Variants in FMN2 observed in about 807,000 individuals in gnomAD.
FMN2 encodes the protein formin 2.
In FMN2, 51 loss-of-function variants were observed where a neutral mutation model predicts 142.3. That is an observed-to-expected ratio of 0.36 (90% CI 0.29 to 0.45). The LOEUF is 0.45. Ranked by LOEUF, FMN2 falls within the 20% of genes least tolerant of loss-of-function variation. The pLI is 1.00. For missense variants in FMN2, 1,936 were observed against 2,122.8 expected, an observed-to-expected ratio of 0.91 and a Z score of 1.73; for synonymous variants, 882 against 869.8, an observed-to-expected ratio of 1.01 and a Z score of -0.25.
intron 4 of FMN2, among the ~76,000 whole-genome samples, chr1:240,191,380 G>C (rs117001983): frequency 1.3e-5 from 2 of 152,314 alleles, no homozygotes; most frequent in African/African-American, 4.8e-5. Flanking sequence ...AATACAGCTG[G>C]CACTCAAGTG....
chr1:240,254,584 G>T (rs1476903280), intron 6 of FMN2, among the ~76,000 whole-genome samples: 2 of 152,252 alleles, frequency 1.3e-5, no homozygotes, highest in African/African-American at 4.8e-5. Flanking sequence ...CTGGATGGGG[G>T]TGGCAGCGAC....
intron 7 of FMN2, among the ~76,000 whole-genome samples, chr1:240,275,650 C>T (rs984197672): frequency 2.0e-5 from 3 of 152,058 alleles, no homozygotes. Context: ...GGTTCTGGGT[C>T]CTTGAGAAAT....
In FMN2 at chr1:240,093,094, G is replaced by T; in HGVS notation, c.985G>T (p.Gly329Trp). 7.2e-7 allele frequency: 1 copy of T among 1,395,690 alleles called. No homozygotes were observed. The highest frequency in any genetic ancestry group is 9.2e-7 in the Non-Finnish European group (1 of 1,084,346). The allele number at this position is 1,395,690 out of a possible 1,614,324, so 86.5% of individuals were successfully genotyped here. A position where few individuals can be genotyped will look rare whatever the true frequency, so the allele number is the denominator to read the frequency against. ...CACGGCTTTCCCATTTCCCGAGGCC[G>T]GGCCGGGGGAGGAAGCGGCCGGAGC... Reference protein sequence around the residue: ...SSTAFPFPEAGPGEEAAGAPV... With the variant: ...SSTAFPFPEAWPGEEAAGAPV... Residue 329 changes from glycine to tryptophan, a missense_variant, in exon 1 of 18, where the codon GGG becomes TGG. Transcript: ENST00000319653.
chr1:240,147,619 A>G (rs1159733227), intron 2 of FMN2, among the ~76,000 whole-genome samples: 1 of 152,170 alleles, frequency 6.6e-6, no homozygotes, highest in African/African-American at 2.4e-5. Context: ...GGGCCCCCCA[A>G]AGTGCTAGGA....
At chr1:240,353,637 T>C (rs1331574663) in intron 13 of FMN2, among the ~76,000 whole-genome samples, 4 of 152,194 alleles carry the variant, frequency 2.6e-5, no homozygotes. Context: ...CTCCTCAACT[T>C]GTGAACTATA....
intron 14 of FMN2, among the ~76,000 whole-genome samples, chr1:240,365,251 ATACATACG>A (rs1672628648): frequency 9.5e-5 from 6 of 63,298 alleles, no homozygotes; most frequent in African/African-American, 7.6e-4. Flanking sequence ...ATATACATAC[ATACATACG>A]TGTGCATATA....
chr1:240,184,520 T>G (rs1007744382), intron 3 of FMN2, among the ~76,000 whole-genome samples: 1 of 147,918 alleles, frequency 6.8e-6, no homozygotes, highest in Admixed American at 6.7e-5. Context: ...CCGGCCTGTT[T>G]TTTTTTTTTT....
chr1:240,284,289 A>G (rs950330413), intron 7 of FMN2, among the ~76,000 whole-genome samples: 2 of 152,118 alleles, frequency 1.3e-5, no homozygotes, highest in Non-Finnish European at 2.9e-5. Flanking sequence ...TCATCACTAT[A>G]TTCTAACTAG....
intron 2 of FMN2, among the ~76,000 whole-genome samples, chr1:240,128,926 T>C (rs1434577701): frequency 1.3e-5 from 2 of 152,076 alleles, no homozygotes; most frequent in African/African-American, 2.4e-5. Flanking sequence ...CAGGATGGAG[T>C]GCAGTGGCGC....
At chr1:240,259,560 A>G (rs910828827) in intron 7 of FMN2, among the ~76,000 whole-genome samples, 1 of 149,602 alleles carries the variant, frequency 6.7e-6, no homozygotes, top group Admixed American at 6.7e-5. Flanking sequence ...TCCTGCAGGT[A>G]AAGTCCTATT....
intron 3 of FMN2, among the ~76,000 whole-genome samples, chr1:240,182,006 C>G (rs554678909): frequency 6.6e-6 from 1 of 152,294 alleles, no homozygotes; most frequent in East Asian, 1.9e-4. Context: ...AATTTCAAGA[C>G]TTTCTGGCAC....
At chr1:240,201,224 A>G (rs1666110313) in intron 4 of FMN2, among the ~76,000 whole-genome samples, 1 of 152,230 alleles carries the variant, frequency 6.6e-6, no homozygotes, top group South Asian at 2.1e-4. Flanking sequence ...TCCTTTTAAC[A>G]CAGACCATCT....
chr1:240,181,418 C>G (rs190709855), intron 3 of FMN2, among the ~76,000 whole-genome samples: 132 of 152,296 alleles, frequency 8.7e-4, no homozygotes, highest in Non-Finnish European at 1.5e-3. Flanking sequence ...TAGGGAGCAT[C>G]TCACTTTAAC....
chr1:240,337,837 C>T (rs1479064147), intron 13 of FMN2, among the ~76,000 whole-genome samples: 1 of 152,134 alleles, frequency 6.6e-6, no homozygotes, highest in African/African-American at 2.4e-5. Context: ...ATAATAACAT[C>T]CACTGTGTTT....
intron 1 of FMN2, among the ~76,000 whole-genome samples, chr1:240,100,532 G>A (rs994213807): frequency 6.6e-6 from 1 of 152,164 alleles, no homozygotes; most frequent in Non-Finnish European, 1.5e-5. Context: ...AAGCAAGGTA[G>A]TCATAACATC....
At chr1:240,411,633 T>G (rs982063392) in intron 15 of FMN2, among the ~76,000 whole-genome samples, 15 of 151,526 alleles carry the variant, frequency 9.9e-5, no homozygotes, top group Admixed American at 3.9e-4. Context: ...ATCTGTTGTT[T>G]TTTTTTTTTC....
chr1:240,355,496 AG>A (rs1672234063), intron 13 of FMN2, among the ~76,000 whole-genome samples: 1 of 152,188 alleles, frequency 6.6e-6, no homozygotes, highest in African/African-American at 2.4e-5. Flanking sequence ...CTGCACAGTG[AG>A]GCAGGCTCTG....
chr1:240,126,940 AG>A (rs2103226028), intron 2 of FMN2, among the ~76,000 whole-genome samples: 1 of 152,122 alleles, frequency 6.6e-6, no homozygotes, highest in Admixed American at 6.5e-5. Context: ...ATGAGCGCAG[AG>A]GGGAGCCTGT....
intron 6 of FMN2, among the ~76,000 whole-genome samples, chr1:240,229,535 C>T (rs1398613346): frequency 1.3e-5 from 2 of 152,124 alleles, no homozygotes; most frequent in Non-Finnish European, 2.9e-5. Context: ...ATGATAGTAC[C>T]AATGTACTGT....
Sources: allele counts gnomAD v4.1 joint callset (sites outside exome capture counted in the v4.1 genomes callset), GRCh38; gene constraint gnomAD v4.1.1; transcripts MANE v1.5; gene names NCBI Gene and HGNC (gene_info 2026-07-23, HGNC 2026-07-21).